DGLUCY: variants seen among roughly 807,000 people sequenced by gnomAD.
DGLUCY encodes D-glutamate cyclase, mitochondrial.
Under a neutral mutation model 58.5 loss-of-function variants are expected in DGLUCY, and 58 were observed. That is an observed-to-expected ratio of 0.99 (90% CI 0.80 to 1.23). DGLUCY has a LOEUF of 1.23. DGLUCY is among the 50% of genes most tolerant of loss of function. The pLI is 0.00. For synonymous variants in DGLUCY, 325 were observed against 314.1 expected (o/e 1.03, Z -0.37); for missense variants, 779 against 784.7 (o/e 0.99, Z 0.09).
chr14:91,199,294 C>G (rs546448748), intron 10 of DGLUCY, among the ~76,000 whole-genome samples: 1 of 151,184 alleles, frequency 6.6e-6, no homozygotes, highest in South Asian at 2.1e-4. Context: ...GAGTCTTACT[C>G]TGTCGCCCAG....
At chr14:91,068,034 G>T (rs2043851391) in intron 1 of DGLUCY, among the ~76,000 whole-genome samples, 1 of 151,736 alleles carries the variant, frequency 6.6e-6, no homozygotes, top group African/African-American at 2.4e-5. Flanking sequence ...TACAAAGTGA[G>T]AAGGTTGGGA....
chr14:91,214,079 C>T (rs1200245165), intron 12 of DGLUCY, among the ~76,000 whole-genome samples: 1 of 151,680 alleles, frequency 6.6e-6, no homozygotes, highest in Non-Finnish European at 1.5e-5. Context: ...TCCTCCACCC[C>T]TCTTCTGGCA....
chr14:91,201,424 G>A (rs1264763047), intron 11 of DGLUCY, among the ~76,000 whole-genome samples: 7 of 151,724 alleles, frequency 4.6e-5, no homozygotes, highest in South Asian at 2.1e-4. Context: ...TCAGCTTCCC[G>A]AGTAGCTAGG....
intron 13 of DGLUCY, among the ~76,000 whole-genome samples, chr14:91,217,401 C>T (rs1229572937): frequency 6.6e-6 from 1 of 151,880 alleles, no homozygotes; most frequent in Non-Finnish European, 1.5e-5. Flanking sequence ...TGGGTGGTCG[C>T]TACAAGTCCC....
intron 1 of DGLUCY, among the ~76,000 whole-genome samples, chr14:91,092,731 T>C (rs900672785): frequency 6.6e-6 from 1 of 152,130 alleles, no homozygotes; most frequent in Non-Finnish European, 1.5e-5. Context: ...TTCAACATAA[T>C]CCTTGCAAGT....
In DGLUCY at chr14:91,116,650, A is replaced by G. The variant is rs111968524; in HGVS notation, c.-82+2367A>G. On this transcript the variant is annotated intron_variant, in intron 1 of 13. Coordinates refer to ENST00000256324, the MANE Select transcript of DGLUCY (RefSeq NM_001102368.3). Reference sequence around the variant, plus strand: ...TGGAAGTGAAAGCAAGTTTATTAAGAAAGTAAAGGAATAGGCCGGGCGTGG... The same window carrying G: ...TGGAAGTGAAAGCAAGTTTATTAAGGAAGTAAAGGAATAGGCCGGGCGTGG... 6.2e-3 allele frequency among the ~76,000 whole-genome samples: 950 copies of G among 152,230 alleles called. 6 individuals are homozygous for G. Among genetic ancestry groups the G allele is most frequent in the South Asian group, 0.017 (84 of 4,826 alleles).
At chr14:91,120,537 G>A (rs1236434675) in intron 1 of DGLUCY, among the ~76,000 whole-genome samples, 1 of 151,940 alleles carries the variant, frequency 6.6e-6, no homozygotes, top group Non-Finnish European at 1.5e-5. Flanking sequence ...TCAGCCTCCT[G>A]AGTAGCAGGG....
chr14:91,136,083 C>T (rs972660233), intron 1 of DGLUCY, among the ~76,000 whole-genome samples: 13 of 151,368 alleles, frequency 8.6e-5, no homozygotes, highest in African/African-American at 1.5e-4. Context: ...TACAGGGGCC[C>T]GCCACTATGC....
intron 1 of DGLUCY, among the ~76,000 whole-genome samples, chr14:91,120,373 C>T (rs139388845): frequency 1.3e-5 from 2 of 152,200 alleles, no homozygotes; most frequent in African/African-American, 4.8e-5. Context: ...TAGCTAGTTG[C>T]CCATCCCAGG....
At chr14:91,195,645 C>T (rs191476680) in intron 9 of DGLUCY, among the ~76,000 whole-genome samples, 3 of 148,434 alleles carry the variant, frequency 2.0e-5, no homozygotes, top group African/African-American at 5.0e-5. Flanking sequence ...TTTAAAATCG[C>T]GATAATGATG....
chr14:91,205,842 CTTTTTTTTTTT>C (rs36096639), intron 12 of DGLUCY, among the ~76,000 whole-genome samples: 16 of 70,732 alleles, frequency 2.3e-4, no homozygotes, highest in East Asian at 1.4e-3. Context: ...TCTTCTTCTT[CTTTTTTTTTTT>C]TTTTTTTTTT....
chr14:91,137,459 C>G (rs2046405241), intron 1 of DGLUCY, among the ~76,000 whole-genome samples: 1 of 151,314 alleles, frequency 6.6e-6, no homozygotes, highest in Non-Finnish European at 1.5e-5. Context: ...GATCTCTGCT[C>G]ACTGCAACCT....
chr14:91,175,368 C>T (rs2048798177), intron 6 of DGLUCY, among the ~76,000 whole-genome samples: 1 of 152,126 alleles, frequency 6.6e-6, no homozygotes, highest in South Asian at 2.1e-4. Context: ...TGCTCAACTG[C>T]ATAACCGACA....
intron 1 of DGLUCY, among the ~76,000 whole-genome samples, chr14:91,072,484 A>G (rs984103520): frequency 4.6e-5 from 7 of 152,030 alleles, no homozygotes; most frequent in African/African-American, 1.4e-4. Context: ...AATTATTTCT[A>G]TTTTACTTAA....
intron 1 of DGLUCY, among the ~76,000 whole-genome samples, chr14:91,096,686 C>A (rs2044400295): frequency 6.6e-6 from 1 of 150,830 alleles, no homozygotes; most frequent in African/African-American, 2.5e-5. Context: ...CCCCTGCCCA[C>A]CCCCCTGGCT....
chr14:91,210,967 A>G (rs946436808), intron 12 of DGLUCY, among the ~76,000 whole-genome samples: 1 of 152,238 alleles, frequency 6.6e-6, no homozygotes, highest in Admixed American at 6.5e-5. Context: ...AGAAAATTCA[A>G]AAGAATCAAC....
chr14:91,107,626 A>G (rs1421558068), upstream of DGLUCY, among the ~76,000 whole-genome samples: 2 of 152,320 alleles, frequency 1.3e-5, no homozygotes, highest in Admixed American at 6.5e-5. Context: ...TACTGACTCT[A>G]TGCCATGTGT....
At chr14:91,116,520 C>T (rs2044954923) in intron 1 of DGLUCY, among the ~76,000 whole-genome samples, 1 of 152,166 alleles carries the variant, frequency 6.6e-6, no homozygotes, top group Non-Finnish European at 1.5e-5. Flanking sequence ...AAAGTATGAT[C>T]TCAATCCAGA....
At chr14:91,224,254 A>G (rs1887905694) in intron 13 of DGLUCY, among the ~76,000 whole-genome samples, 1 of 152,216 alleles carries the variant, frequency 6.6e-6, no homozygotes, top group Admixed American at 6.5e-5. Flanking sequence ...CTGGCCGGGC[A>G]CAGTGATGTG....
Sources: allele counts gnomAD v4.1 joint callset (sites outside exome capture counted in the v4.1 genomes callset), GRCh38; gene constraint gnomAD v4.1.1; transcripts MANE v1.5; gene names NCBI Gene and HGNC (gene_info 2026-07-23, HGNC 2026-07-21).